The following RPSA2 variants were observed in gnomAD, a reference collection of about 807,000 sequenced individuals.
The protein encoded by RPSA2 is small ribosomal subunit protein uS2B.
At chr19:23,865,283 T>A in the RPSA2 span, among the ~76,000 whole-genome samples, 1 of 152,210 alleles carries the variant, frequency 6.6e-6, no homozygotes, top group East Asian at 1.9e-4. Flanking sequence ...TGCCTAAAGT[T>A]GTGTTGAAAC....
chr19:23,794,011 A>G, the RPSA2 span, among the ~76,000 whole-genome samples: 2 of 152,018 alleles, frequency 1.3e-5, no homozygotes, highest in East Asian at 3.9e-4. Flanking sequence ...AGCTCAGGCA[A>G]TCCACCTGCC....
the RPSA2 span, among the ~76,000 whole-genome samples, chr19:23,825,608 T>C: frequency 1.3e-5 from 2 of 152,214 alleles, no homozygotes; most frequent in South Asian, 4.1e-4. Context: ...TTTTTTGAGA[T>C]GGACTCTTGC....
the RPSA2 span, among the ~76,000 whole-genome samples, chr19:23,855,300 G>A: frequency 6.6e-6 from 1 of 152,184 alleles, no homozygotes; most frequent in South Asian, 2.1e-4. Context: ...GATGGAGTTA[G>A]AACAGTTTTT....
chr19:23,777,767 A>G, the RPSA2 span, among the ~76,000 whole-genome samples: 1 of 152,140 alleles, frequency 6.6e-6, no homozygotes, highest in Non-Finnish European at 1.5e-5. Context: ...CTCAGCACCC[A>G]GGTGATGGAA....
chr19:23,811,093 A>C, the RPSA2 span, among the ~76,000 whole-genome samples: 9 of 148,560 alleles, frequency 6.1e-5, no homozygotes, highest in Non-Finnish European at 8.9e-5. Context: ...ATCTTGACTC[A>C]CTGCAACCTC....
At chr19:23,790,854 G>T in the RPSA2 span, 1 of 524,256 alleles carries the variant, frequency 1.9e-6, no homozygotes, top group South Asian at 2.7e-5. Flanking sequence ...TGGGACTCAG[G>T]CCTCCCCGCA....
the RPSA2 span, among the ~76,000 whole-genome samples, chr19:23,852,650 C>T: frequency 6.6e-6 from 1 of 152,184 alleles, no homozygotes; most frequent in Non-Finnish European, 1.5e-5. Flanking sequence ...GTTCCTTGCC[C>T]TCATTCCCAT....
At chr19:23,848,354 A>G in the RPSA2 span, among the ~76,000 whole-genome samples, 109 of 152,206 alleles carry the variant, frequency 7.2e-4, no homozygotes, top group African/African-American at 2.6e-3. Flanking sequence ...ATTTTTACAC[A>G]TGATTCTTTG....
At chr19:23,867,313 G>C in the RPSA2 span, among the ~76,000 whole-genome samples, 2 of 152,170 alleles carry the variant, frequency 1.3e-5, no homozygotes, top group South Asian at 2.1e-4. Context: ...CCTTGTCTTG[G>C]TCCGGATGGA....
chr19:23,811,355 C>A, the RPSA2 span, among the ~76,000 whole-genome samples: 1 of 152,036 alleles, frequency 6.6e-6, no homozygotes, highest in Admixed American at 6.6e-5. Flanking sequence ...TGTTACATAA[C>A]CCAGGCAAGT....
the RPSA2 span, among the ~76,000 whole-genome samples, chr19:23,814,332 G>A: frequency 0.12 from 17,852 of 151,874 alleles, 1,110 homozygotes; most frequent in East Asian, 0.22. Flanking sequence ...GGATAATTCA[G>A]TATGGATATT....
the RPSA2 span, among the ~76,000 whole-genome samples, chr19:23,870,361 G>C: frequency 8.1e-4 from 122 of 151,200 alleles, no homozygotes; most frequent in African/African-American, 2.9e-3. Flanking sequence ...GTGGTTAGGG[G>C]AACAAGTACA....
the RPSA2 span, chr19:23,828,179 A>G: frequency 1.6e-6 from 1 of 620,208 alleles, no homozygotes; most frequent in Non-Finnish European, 2.8e-6. Context: ...TTATATGACC[A>G]TATATGTGAA....
the RPSA2 span, among the ~76,000 whole-genome samples, chr19:23,767,009 G>T: frequency 1.3e-5 from 2 of 152,026 alleles, no homozygotes; most frequent in Non-Finnish European, 2.9e-5. Context: ...CTGGAGTGCG[G>T]TGGCATGATC....
the RPSA2 span, among the ~76,000 whole-genome samples, chr19:23,825,650 G>A: frequency 7.9e-5 from 12 of 151,980 alleles, no homozygotes; most frequent in Non-Finnish European, 1.2e-4. Context: ...GTAATGGCGC[G>A]ATCTCAGCTC....
the RPSA2 span, among the ~76,000 whole-genome samples, chr19:23,773,754 G>A: frequency 1.8e-4 from 27 of 152,268 alleles, no homozygotes; most frequent in African/African-American, 6.5e-4. Context: ...GACACTTAGA[G>A]CAAGATTCAG....
At chr19:23,824,291 A>C in the RPSA2 span, among the ~76,000 whole-genome samples, 1 of 152,222 alleles carries the variant, frequency 6.6e-6, no homozygotes, top group African/African-American at 2.4e-5. Flanking sequence ...TAACAAACTA[A>C]AGCAGGCCTT....
At chr19:23,795,784 C>A in the RPSA2 span, among the ~76,000 whole-genome samples, 1 of 151,992 alleles carries the variant, frequency 6.6e-6, no homozygotes, top group Non-Finnish European at 1.5e-5. Context: ...TGTTTTTTTC[C>A]TTTATTTTTG....
chr19:23,798,752 T>G, the RPSA2 span, among the ~76,000 whole-genome samples: 1 of 152,186 alleles, frequency 6.6e-6, no homozygotes, highest in African/African-American at 2.4e-5. Flanking sequence ...ATAGAGATAA[T>G]TATAAGTAAG....
Sources: gnomAD v4.1 joint callset for allele counts (sites outside exome capture counted in the v4.1 genomes callset) on GRCh38, gnomAD v4.1.1 for gene constraint, MANE v1.5 for transcripts, NCBI Gene and HGNC (gene_info 2026-07-23, HGNC 2026-07-21) for gene names.